ANKRD10: variants seen among roughly 807,000 people sequenced by gnomAD.
ANKRD10 encodes ankyrin repeat domain-containing protein 10.
Under a neutral mutation model 27.0 loss-of-function variants are expected in ANKRD10, and 14 were observed. The observed-to-expected ratio is 0.52, with a 90% CI of 0.34 to 0.81. The LOEUF (loss-of-function observed/expected upper bound fraction) is 0.81. Ranked by LOEUF, ANKRD10 falls within the 40% of genes least tolerant of loss-of-function variation. The pLI, the probability that ANKRD10 is intolerant of heterozygous loss-of-function variation, is 0.01. For synonymous variants in ANKRD10, 250 were observed against 224.5 expected (o/e 1.11, Z -1.01); for missense variants, 493 against 544.0 (o/e 0.91, Z 0.93).
rs1178083459 is a variant in ANKRD10 at position 110,910,715 on chromosome 13, G to C, written c.266C>G (p.Thr89Arg). Reference protein sequence around the residue: ...RAGATLNVSTTRYAQTPAHIA... With the variant: ...RAGATLNVSTRRYAQTPAHIA... ...GTGGGCTGGCGTCTGCGCGTACCGT[G>C]TGGTGGAGACGTTGAGTGTGGCTCC... Residue 89 changes from threonine (T) to arginine (R), a missense_variant, in exon 2 of 6, where the codon ACA (threonine) becomes AGA (arginine). By Grantham distance (71) the Thr-to-Arg change is moderately conservative. Transcript: ENST00000267339. 2.5e-6 allele frequency: 4 copies of C among 1,614,144 alleles called. No individual in the cohort carries two copies. The highest frequency in any genetic ancestry group is 3.3e-4 in the Middle Eastern group (2 of 6,060).
chr13:110,899,270 G>A (rs1441734235), intron 3 of ANKRD10: 1 of 152,202 alleles, frequency 6.6e-6, no homozygotes, highest in Non-Finnish European at 1.5e-5. Context: ...TATTTTGAAT[G>A]CAAACTGGTA....
chr13:110,892,869 G>A, intron 4 of ANKRD10, 159 bp downstream of exon 4: 2 of 1,426,998 alleles, frequency 1.4e-6, no homozygotes, highest in Non-Finnish European at 1.8e-6. Context: ...CTTCGCAGTG[G>A]CAGTACAGGA....
rs756487261 is a variant in ANKRD10 at position 110,879,807 on chromosome 13, C to A, written c.1093G>T (p.Val365Leu). ...TACAGGTTATCCCCAATGTCTTCCA[C>A]CCAGGAAGGCCTACTGGCTATGCAG... ...SSCIASRPSWVEDIGDNLYYG... is the reference protein window; with the variant it reads ...SSCIASRPSWLEDIGDNLYYG... Residue 365 changes from valine (V) to leucine (L), a missense_variant, in exon 6 of 6, where the codon GTG becomes TTG. Coordinates refer to ENST00000267339, the MANE Select transcript of ANKRD10 (RefSeq NM_017664.4). The A allele has an allele frequency of 2.5e-6, 4 of 1,614,132 alleles. No homozygotes were observed. Among genetic ancestry groups the A allele is most frequent in the Non-Finnish European group, 3.4e-6 (4 of 1,180,050 alleles).
At chr13:110,898,870 T>G (rs369021731) in intron 3 of ANKRD10, among the ~76,000 whole-genome samples, 2 of 151,004 alleles carry the variant, frequency 1.3e-5, no homozygotes, top group Admixed American at 1.3e-4. Flanking sequence ...ATTCTCCTGC[T>G]TCAGCCTCCC....
intron 5 of ANKRD10, among the ~76,000 whole-genome samples, chr13:110,882,756 T>C (rs2138819716): frequency 6.6e-6 from 1 of 152,352 alleles, no homozygotes; most frequent in East Asian, 1.9e-4. Flanking sequence ...TCCAGAAAGA[T>C]GAACACATTT....
chr13:110,900,298 G>T (rs528363146), intron 3 of ANKRD10, among the ~76,000 whole-genome samples: 95 of 152,134 alleles, frequency 6.2e-4, no homozygotes, highest in Non-Finnish European at 9.6e-4. Context: ...TAGAATCCGA[G>T]TTGTCACATC....
intron 3 of ANKRD10, among the ~76,000 whole-genome samples, chr13:110,897,392 G>A (rs1279272943): frequency 6.7e-6 from 1 of 148,884 alleles, no homozygotes; most frequent in African/African-American, 2.5e-5. Context: ...CTAAAGCACC[G>A]AGATTAGAGG....
chr13:110,881,017 T>G (rs2064807292), intron 5 of ANKRD10, among the ~76,000 whole-genome samples: 1 of 152,256 alleles, frequency 6.6e-6, no homozygotes, highest in Non-Finnish European at 1.5e-5. Flanking sequence ...GGAGACGTCT[T>G]ATGGGATAAA....
intron 4 of ANKRD10, among the ~76,000 whole-genome samples, chr13:110,886,848 A>G (rs968868226): frequency 6.6e-6 from 1 of 152,212 alleles, no homozygotes; most frequent in Non-Finnish European, 1.5e-5. Flanking sequence ...AAAGTTACAC[A>G]ATGATTGAAT....
At chr13:110,883,984 T>C (rs1203995285) in intron 4 of ANKRD10, among the ~76,000 whole-genome samples, 191 bp from the exon 5 acceptor site, 2 of 151,798 alleles carry the variant, frequency 1.3e-5, no homozygotes, top group African/African-American at 4.8e-5. Flanking sequence ...TTTCTTGACA[T>C]GTGCAGATTT....
At position 110,915,063 on chromosome 13, in the gene ANKRD10, A is replaced by G; in HGVS notation, c.-129T>C. 2.9e-6 allele frequency: 4 copies of G among 1,402,596 alleles called. No homozygotes were observed. The highest frequency in any genetic ancestry group is 3.7e-6 in the Non-Finnish European group (4 of 1,083,336). The allele number at this position is 1,402,596 out of a possible 1,614,324, so 86.9% of individuals were successfully genotyped here. ...TCGCGTCCCACAGGCTGCCGAGCGG[A>G]GCGCGCACAGAGGGGGCGGGGCGGG... On this transcript the variant is annotated 5_prime_UTR_variant, in exon 1 of 6. Transcript: ENST00000267339.
At position 110,879,414 on chromosome 13, in the gene ANKRD10, T is replaced by G; in HGVS notation, c.*223A>C. 1.9e-6 allele frequency: 1 copy of G among 519,932 alleles called. No individual in the cohort carries two copies. Among genetic ancestry groups the G allele is most frequent in the Non-Finnish European group, 3.4e-6 (1 of 291,200 alleles). The allele number at this position is 519,932 out of a possible 1,614,324, so 32.2% of individuals were successfully genotyped here. The stretch of plus-strand genomic sequence containing the variant: ...TCAGAAAAACTCCAAAAGTGCACCT[T>G]ATAAAAAGGACACCTCACTGTAGAA... On this transcript the variant is annotated 3_prime_UTR_variant, in exon 6 of 6. Transcript: ENST00000267339.
intron 3 of ANKRD10, among the ~76,000 whole-genome samples, chr13:110,896,036 G>GT (rs1425782252): frequency 1.1e-4 from 16 of 152,308 alleles, no homozygotes; most frequent in Non-Finnish European, 1.9e-4. Context: ...GTACTCGTAC[G>GT]TAAGGACCAA....
At chr13:110,909,548 A>G (rs2065634384) in intron 2 of ANKRD10, among the ~76,000 whole-genome samples, 1 of 152,222 alleles carries the variant, frequency 6.6e-6, no homozygotes, top group Non-Finnish European at 1.5e-5. Context: ...CATATCCCAC[A>G]TTTCAGTTTA....
At chr13:110,906,232 T>C in intron 2 of ANKRD10, 108 bp from the exon 3 acceptor site, 1 of 824,692 alleles carries the variant, frequency 1.2e-6, no homozygotes, top group African/African-American at 1.7e-5. Flanking sequence ...TTTTTTGAAG[T>C]AAAACATGTT....
In ANKRD10 at chr13:110,914,869, G is replaced by A; in HGVS notation, c.66C>T (p.Leu22=). The part of the protein sequence containing the change: ...AGFSSEELLS[L]RFPLHRACRD... Reference sequence around the variant, plus strand: ...GGCAGGCGCGGTGCAGCGGGAAACGGAGCGAGAGCAGCTCCTCGCTGGAGA... The same window carrying A: ...GGCAGGCGCGGTGCAGCGGGAAACGAAGCGAGAGCAGCTCCTCGCTGGAGA... Residue 22 remains leucine, a synonymous_variant, in exon 1 of 6, where the codon CTC becomes CTT. Coordinates refer to ENST00000267339, the MANE Select transcript of ANKRD10 (RefSeq NM_017664.4). The A allele has an allele frequency of 1.3e-6, 2 of 1,552,208 alleles. No individual in the cohort carries two copies. Among genetic ancestry groups the A allele is most frequent in the Non-Finnish European group, 1.7e-6 (2 of 1,151,072 alleles).
chr13:110,900,411 T>C (rs1175974130), intron 3 of ANKRD10: 2 of 641,354 alleles, frequency 3.1e-6, no homozygotes, highest in Non-Finnish European at 4.0e-6. Context: ...AACTTAGCTA[T>C]TGTTAGTTTA....
intron 2 of ANKRD10, among the ~76,000 whole-genome samples, chr13:110,908,147 G>C (rs950650553): frequency 6.6e-6 from 1 of 152,144 alleles, no homozygotes; most frequent in South Asian, 2.1e-4. Context: ...CAAATTGAGT[G>C]ATCTACAGGG....
At chr13:110,889,885 T>A (rs915861315) in intron 4 of ANKRD10, among the ~76,000 whole-genome samples, 1 of 152,214 alleles carries the variant, frequency 6.6e-6, no homozygotes, top group African/African-American at 2.4e-5. Context: ...ATTGGTAAGA[T>A]ACAAGTTACG....
Sources: gnomAD v4.1 joint callset for allele counts (sites outside exome capture counted in the v4.1 genomes callset) on GRCh38, gnomAD v4.1.1 for gene constraint, MANE v1.5 for transcripts, NCBI Gene and HGNC (gene_info 2026-07-23, HGNC 2026-07-21) for gene names.